Variants in ABCC2 observed in about 807,000 individuals in gnomAD.
ABCC2 encodes ATP binding cassette subfamily C member 2, also known as ATP-binding cassette sub-family C member 2.
Under a neutral mutation model 173.4 loss-of-function variants are expected in ABCC2, and 157 were observed. The ratio of observed to expected loss-of-function variants is 0.91; its 90% confidence interval spans 0.80 to 1.03. ABCC2 has a LOEUF of 1.03. ABCC2 is among the 50% of genes least tolerant of loss of function. The pLI is 0.00. For missense variants in ABCC2, 1,822 were observed against 1,852.3 expected (o/e 0.98, Z 0.30); for synonymous variants, 657 against 693.5 (o/e 0.95, Z 0.83).
chr10:99,814,490 CAA>C (rs2038329298), intron 16 of ABCC2, among the ~76,000 whole-genome samples: 1 of 129,776 alleles, frequency 7.7e-6, no homozygotes, highest in East Asian at 2.7e-4. Context: ...TACATACACA[CAA>C]ACATATATGT....
At chr10:99,826,418 A>C (rs1274115169) in intron 19 of ABCC2, among the ~76,000 whole-genome samples, 1 of 150,480 alleles carries the variant, frequency 6.6e-6, no homozygotes, top group Non-Finnish European at 1.5e-5. Context: ...TTTCATTGGC[A>C]ATTGACTTTT....
chr10:99,804,163 A>T lies in ABCC2; in HGVS notation c.1354A>T (p.Ile452Phe). The change falls in exon 10 of 32, where the codon ATC (isoleucine) becomes TTC (phenylalanine). Residue 452 changes from isoleucine (I) to phenylalanine (F), a missense_variant. Coordinates refer to ENST00000647814, the MANE Select transcript of ABCC2 (RefSeq NM_000392.5). ...WSSVLQIVLSIFFLWRELGPS... is the reference protein window; with the variant it reads ...WSSVLQIVLSFFFLWRELGPS... ...AAGTGTTCTACAGATTGTCTTATCT[A>T]TCTTCTTCCTATGGAGAGAGTTGGG... The T allele has an allele frequency of 6.2e-7, 1 of 1,614,196 alleles. No homozygotes were observed. Among genetic ancestry groups the T allele is most frequent in the East Asian group, 2.2e-5 (1 of 44,876 alleles).
At chr10:99,841,887 T>C in intron 25 of ABCC2, 80 bp from the exon 26 acceptor site, 2 of 1,605,836 alleles carry the variant, frequency 1.2e-6, no homozygotes, top group East Asian at 2.2e-5. Flanking sequence ...CCTCTGAGAA[T>C]GTTCTGTGAA....
intron 30 of ABCC2, among the ~76,000 whole-genome samples, chr10:99,848,880 T>C (rs1359891097): frequency 2.6e-5 from 4 of 152,176 alleles, no homozygotes; most frequent in Non-Finnish European, 4.4e-5. Context: ...AGGACTCAAG[T>C]AGGTCTTTAG....
rs181378775 is a variant in ABCC2, at chr10:99,842,220, T to C, written c.3741+127T>C. Reference sequence around the variant, plus strand: ...CAGAGGGACTAAAGAAGACTGAGGTTCAAACCCTGGCTCCATCTTTTACCC... The same window carrying C: ...CAGAGGGACTAAAGAAGACTGAGGTCCAAACCCTGGCTCCATCTTTTACCC... On this transcript the variant is annotated intron_variant, in intron 26 of 31. Transcript: ENST00000647814. 2.1e-3 allele frequency: 2,865 copies of C among 1,350,898 alleles called. 7 individuals are homozygous for C. The highest frequency in any genetic ancestry group is 2.5e-3 in the Admixed American group (141 of 55,878). 83.7% of individuals were successfully genotyped at this position (1,350,898 alleles called of 1,614,324 possible).
At chr10:99,846,142 G>A (rs2039013828) in intron 29 of ABCC2, among the ~76,000 whole-genome samples, 1 of 152,220 alleles carries the variant, frequency 6.6e-6, no homozygotes, top group South Asian at 2.1e-4. Flanking sequence ...CTCCCCATTT[G>A]CTATGGTTAA....
chr10:99,844,794 G>A (rs911102132), intron 28 of ABCC2, among the ~76,000 whole-genome samples: 6 of 152,154 alleles, frequency 3.9e-5, no homozygotes, highest in African/African-American at 1.2e-4. Context: ...GCCTGGTGAA[G>A]GAACTGTTGA....
chr10:99,814,325 G>GTATACACACATGTATA (rs2038309898), intron 16 of ABCC2, among the ~76,000 whole-genome samples: 2 of 138,594 alleles, frequency 1.4e-5, no homozygotes, highest in Non-Finnish European at 3.2e-5. Flanking sequence ...ACACACGTAT[G>GTATACACACATGTATA]TATACACACA....
At chr10:99,845,884 A>G (rs2039009615) in intron 29 of ABCC2, 102 bp downstream of exon 29, 4 of 1,286,424 alleles carry the variant, frequency 3.1e-6, no homozygotes, top group Middle Eastern at 2.6e-4. Context: ...AGCACTGTCA[A>G]TTCCACGGTC....
At position 99,851,533 on chromosome 10, in the gene ABCC2, G is replaced by A; in HGVS notation, c.4540G>A (p.Glu1514Lys). ...VMVLDNGKII[E>K]CGSPEELLQI... is the part of the protein sequence containing the mutation. ...GGTCCTAGACAACGGGAAGATTATAGAGTGCGGCAGCCCTGAAGAACTGCT... is the reference window on the plus strand; with the variant it reads ...GGTCCTAGACAACGGGAAGATTATAAAGTGCGGCAGCCCTGAAGAACTGCT... Residue 1514 changes from glutamate to lysine, a missense_variant, in exon 32 of 32, where the codon GAG becomes AAG. Physicochemically the swap from Glu to Lys is moderately conservative, Grantham distance 56 (BLOSUM62 1). Transcript: ENST00000647814. The A allele has an allele frequency of 6.2e-7, 1 of 1,614,142 alleles. No homozygotes were observed. The highest frequency in any genetic ancestry group is 8.5e-7 in the Non-Finnish European group (1 of 1,180,020).
chr10:99,790,010 A>G (rs1032070127), intron 2 of ABCC2, among the ~76,000 whole-genome samples: 1 of 152,198 alleles, frequency 6.6e-6, no homozygotes, highest in Non-Finnish European at 1.5e-5. Context: ...TGTGTCCTGT[A>G]TGACATGAAT....
chr10:99,797,434 C>T (rs940144451), intron 7 of ABCC2, 103 bp downstream of exon 7: 21 of 958,436 alleles, frequency 2.2e-5, no homozygotes, highest in Non-Finnish European at 3.3e-5. Flanking sequence ...GCACTTCATA[C>T]TTCTCAGTGC....
At chr10:99,817,918 C>A (rs1170332139) in intron 17 of ABCC2, among the ~76,000 whole-genome samples, 2 of 152,028 alleles carry the variant, frequency 1.3e-5, no homozygotes, top group Non-Finnish European at 2.9e-5. Context: ...TTATTAAAGG[C>A]CTTTCCTAAA....
chr10:99,841,691 T>C (rs1271268168), intron 25 of ABCC2, among the ~76,000 whole-genome samples: 1 of 152,234 alleles, frequency 6.6e-6, no homozygotes, highest in Non-Finnish European at 1.5e-5. Context: ...CCCTAGGTGA[T>C]TCTTATGATT....
chr10:99,849,015 G>A (rs1249485716), intron 30 of ABCC2, among the ~76,000 whole-genome samples: 2 of 152,116 alleles, frequency 1.3e-5, no homozygotes, highest in African/African-American at 4.8e-5. Context: ...ACCTGAGGTC[G>A]GGAGCTCGAG....
intron 25 of ABCC2, among the ~76,000 whole-genome samples, chr10:99,839,033 C>T (rs2038881235): frequency 1.6e-5 from 2 of 125,316 alleles, no homozygotes; most frequent in Non-Finnish European, 1.7e-5. Flanking sequence ...GTAGGGGCGG[C>T]CGGGCAGAGG....
rs759540575 is a variant in ABCC2 at position 99,851,578 on chromosome 10, T to C, written c.4585T>C (p.Tyr1529His). The C allele has an allele frequency of 1.9e-6, 3 of 1,614,178 alleles. No homozygotes were observed. The highest frequency in any genetic ancestry group is 2.5e-6 in the Non-Finnish European group (3 of 1,180,016). ...ACTGCTACAAATCCCTGGACCCTTT[T>C]ACTTTATGGCTAAGGAAGCTGGCAT... ...EELLQIPGPF[Y>H]FMAKEAGIEN... The change falls in exon 32 of 32, where the codon TAC becomes CAC. Residue 1529 changes from tyrosine (Y) to histidine (H), a missense_variant. Coordinates refer to ENST00000647814, the MANE Select transcript of ABCC2 (RefSeq NM_000392.5).
In ABCC2 at chr10:99,800,551, T is replaced by G. The variant is rs1388943682; in HGVS notation, c.1197T>G (p.Ser399=). 6.2e-7 allele frequency: 1 copy of G among 1,614,186 alleles called. No homozygotes were observed. Among genetic ancestry groups the G allele is most frequent in the South Asian group, 1.1e-5 (1 of 91,090 alleles). The change falls in exon 9 of 32, where the codon TCT becomes TCG. Residue 399 remains serine, a synonymous_variant. Transcript: ENST00000647814. Reference sequence around the variant, plus strand: ...AAGTACGGACAGCTATCATGGCTTCTGTATATAAGAAGGTAAGCAGAATAC... The same window carrying G: ...AAGTACGGACAGCTATCATGGCTTCGGTATATAAGAAGGTAAGCAGAATAC... ...GVKVRTAIMA[S]VYKKALTLSN...
At chr10:99,787,271 T>A in intron 2 of ABCC2, among the ~76,000 whole-genome samples, 1 of 152,196 alleles carries the variant, frequency 6.6e-6, no homozygotes, top group East Asian at 1.9e-4. Context: ...CTCCTTCCCC[T>A]TATCCTTAGC....
Sources: gnomAD v4.1 joint callset for allele counts (sites outside exome capture counted in the v4.1 genomes callset) on GRCh38, gnomAD v4.1.1 for gene constraint, MANE v1.5 for transcripts, NCBI Gene and HGNC (gene_info 2026-07-23, HGNC 2026-07-21) for gene names.